DDX42: variants seen among roughly 807,000 people sequenced by gnomAD.
DDX42 encodes ATP-dependent RNA helicase DDX42.
Under a neutral mutation model 101.5 loss-of-function variants are expected in DDX42, and 22 were observed. The observed-to-expected ratio is 0.22, with a 90% CI of 0.15 to 0.31. The LOEUF (loss-of-function observed/expected upper bound fraction) is 0.31, where lower values mean the gene tolerates loss of function less well. Among genes scored for constraint, DDX42 ranks in the 10% least tolerant of loss-of-function variants. The pLI is 1.00. For synonymous variants in DDX42, 402 were observed against 401.2 expected, an observed-to-expected ratio of 1.00 and a Z score of -0.02; for missense variants, 849 against 1,199.9, an observed-to-expected ratio of 0.71 and a Z score of 4.32.
At chr17:63,784,629 C>A (rs1308681566) in intron 1 of DDX42, among the ~76,000 whole-genome samples, 1 of 151,876 alleles carries the variant, frequency 6.6e-6, no homozygotes, top group Admixed American at 6.6e-5. Context: ...AAATAAAAAC[C>A]CAGGCATGGT....
At position 63,792,493 on chromosome 17, in the gene DDX42, A is replaced by G. The variant is rs368092909; in HGVS notation, c.303A>G (p.Gln101=). ...CTGAAAACTCACCAACTCGCCAGCAATTCCATTCCAAGCCAGTAGATTCTG... is the reference window on the plus strand; with the variant it reads ...CTGAAAACTCACCAACTCGCCAGCAGTTCCATTCCAAGCCAGTAGATTCTG... ...IPAENSPTRQ[Q]FHSKPVDSDS... Residue 101 remains glutamine, a synonymous_variant, in exon 3 of 18, where the codon CAA becomes CAG. Transcript: ENST00000389924. 4.3e-5 allele frequency: 70 copies of G among 1,613,866 alleles called. No homozygotes were observed. The Admixed American group carries it at 4.5e-4, about 10-fold the overall frequency.
intron 1 of DDX42, among the ~76,000 whole-genome samples, chr17:63,781,239 A>G (rs558417525): frequency 1.3e-5 from 2 of 152,088 alleles, no homozygotes; most frequent in South Asian, 4.1e-4. Context: ...TTTTTTTGAG[A>G]CAGAGTCTCG....
intron 1 of DDX42, among the ~76,000 whole-genome samples, chr17:63,779,981 C>T (rs780613801): frequency 6.6e-6 from 1 of 152,160 alleles, no homozygotes; most frequent in Non-Finnish European, 1.5e-5. Context: ...GTTCAGTAAC[C>T]ATATACACTA....
intron 6 of DDX42, among the ~76,000 whole-genome samples, chr17:63,802,422 T>C (rs1330550349): frequency 6.6e-6 from 1 of 152,166 alleles, no homozygotes; most frequent in Non-Finnish European, 1.5e-5. Context: ...CTGGACAAAA[T>C]CAATGACATT....
In DDX42 at chr17:63,818,286, CCAAAGTGGACAGCAGCAAGATGGA is replaced by C. The variant is rs2040004635; in HGVS notation, c.2709_2732del (p.Ser907_Ser914del). The stretch of plus-strand genomic sequence containing the variant: ...AGCAAGATGGAGCCCAAGATGGAAC[CCAAAGTGGACAGCAGCAAGATGGA>C]CAAGGTGGACAGCAAGACAGATAAG... On this transcript the variant is annotated inframe_deletion, in exon 18 of 18. Transcript: ENST00000389924. The C allele has an allele frequency of 1.9e-6, 3 of 1,614,046 alleles. No individual in the cohort carries two copies. Among genetic ancestry groups the C allele is most frequent in the East Asian group, 4.5e-5 (2 of 44,884 alleles).
chr17:63,792,281 G>T, intron 2 of DDX42, 131 bp from the exon 3 acceptor site: 2 of 928,108 alleles, frequency 2.2e-6, no homozygotes, highest in Non-Finnish European at 1.6e-6. Flanking sequence ...CCAAAGCCTT[G>T]GAGGTCTCTA....
intron 2 of DDX42, among the ~76,000 whole-genome samples, chr17:63,791,564 G>A (rs1484516170): frequency 1.3e-5 from 2 of 152,124 alleles, no homozygotes; most frequent in Non-Finnish European, 2.9e-5. Flanking sequence ...ACCTGTCTCG[G>A]CCTCCCAAAG....
At position 63,818,060 on chromosome 17, in the gene DDX42, C is replaced by A; in HGVS notation, c.2479C>A (p.Arg827=). ...SRHSHGETGN[R]HSDSPRHGDG... ...TCACAGTCACGGAGAGACTGGCAAT[C>A]GGCATAGCGATAGTCCACGTCACGG... is the stretch of plus-strand genomic sequence containing the variant. Residue 827 remains arginine, a synonymous_variant, in exon 18 of 18, where the codon CGG becomes AGG. Coordinates refer to ENST00000389924, the MANE Select transcript of DDX42 (RefSeq NM_203499.3). 6.2e-7 allele frequency: 1 copy of A among 1,613,922 alleles called. No individual in the cohort carries two copies. Among genetic ancestry groups the A allele is most frequent in the African/African-American group, 1.3e-5 (1 of 74,996 alleles).
chr17:63,809,057 TATACTG>T (rs2039878127), intron 10 of DDX42, 109 bp downstream of exon 10: 3 of 1,448,528 alleles, frequency 2.1e-6, no homozygotes, highest in Non-Finnish European at 2.8e-6. Flanking sequence ...GGGTTGAAAA[TATACTG>T]ATGAACGGCA....
rs775376583 is a variant in DDX42 at position 63,817,757 on chromosome 17, G to C, written c.2176G>C (p.Ala726Pro). The change falls in exon 18 of 18, where the codon GCT (alanine) becomes CCT (proline). Residue 726 changes from alanine (A) to proline (P), a missense_variant. Physicochemically the swap from Ala to Pro is conservative, Grantham distance 27. Around this residue, in one of 5 missense-constraint regions of DDX42, gnomAD observed 300 missense variants for 304.9 expected, o/e 0.98. Coordinates refer to ENST00000389924, the MANE Select transcript of DDX42 (RefSeq NM_203499.3). Reference sequence around the variant, plus strand: ...TAATCAGAAGGCTGGAAGTTCTGCTGCTGGGGCAAGTGGGTGGACTAGTGC... The same window carrying C: ...TAATCAGAAGGCTGGAAGTTCTGCTCCTGGGGCAAGTGGGTGGACTAGTGC... ...LSNQKAGSSA[A>P]GASGWTSAGS... 12 of 1,614,112 alleles carry C rather than the reference G, an allele frequency of 7.4e-6. No individual in the cohort carries two copies. In the African/African-American group the frequency reaches 9.3e-5, roughly 13 times the overall value.
chr17:63,797,392 A>C (rs2039707043), intron 3 of DDX42, among the ~76,000 whole-genome samples: 1 of 151,856 alleles, frequency 6.6e-6, no homozygotes, highest in Non-Finnish European at 1.5e-5. Flanking sequence ...GAAAAATGTA[A>C]AAACTACACA....
intron 1 of DDX42, among the ~76,000 whole-genome samples, chr17:63,784,394 A>G (rs1422596322): frequency 1.3e-5 from 2 of 152,244 alleles, no homozygotes; most frequent in Non-Finnish European, 1.5e-5. Flanking sequence ...TGGTTTTTAC[A>G]TAAATTAAAT....
At chr17:63,778,494 C>T (rs2039447642) in intron 1 of DDX42, among the ~76,000 whole-genome samples, 1 of 152,148 alleles carries the variant, frequency 6.6e-6, no homozygotes, top group Admixed American at 6.5e-5. Context: ...TTTCTTTCTC[C>T]TGGGCCAGAC....
Position 63,812,129 on chromosome 17 carries a change from G to C in DDX42, c.1596G>C (p.Met532Ile). 4 of 1,614,238 alleles carry C rather than the reference G, an allele frequency of 2.5e-6. No homozygotes were observed. The highest frequency in any genetic ancestry group is 2.5e-6 in the Non-Finnish European group (3 of 1,180,052). ...ATCTTGGGCTGCTCCATGGGGATAT[G>C]GATCAGAGTGAGAGAAACAAGGTCA... ...GHNLGLLHGD[M>I]DQSERNKVIS... Residue 532 changes from methionine (M) to isoleucine (I), a missense_variant, in exon 14 of 18, where the codon ATG becomes ATC. Met to Ile is a conservative substitution (Grantham distance 10, BLOSUM62 1). Coordinates refer to ENST00000389924, the MANE Select transcript of DDX42 (RefSeq NM_203499.3).
chr17:63,779,113 T>C (rs940691938), intron 1 of DDX42, among the ~76,000 whole-genome samples: 3 of 152,238 alleles, frequency 2.0e-5, no homozygotes, highest in African/African-American at 7.2e-5. Context: ...TATGGCTCTA[T>C]TCAGCTAATT....
Position 63,819,086 on chromosome 17 carries a change from T to C in DDX42, c.*688T>C, listed in dbSNP as rs2040016345. The C allele has an allele frequency of 6.6e-6, 1 of 152,478 alleles. No individual in the cohort carries two copies. Among genetic ancestry groups the C allele is most frequent in the South Asian group, 2.1e-4 (1 of 4,834 alleles). 9.4% of individuals were successfully genotyped at this position (152,478 alleles called of 1,614,324 possible). On this transcript the variant is annotated 3_prime_UTR_variant, in exon 18 of 18. Transcript: ENST00000389924. ...GAGATGGTATTGCTAAATTTAAAAT[T>C]AAACAAGAAACCCAACAACAGCTTT...
At chr17:63,784,616 T>C (rs1170582384) in intron 1 of DDX42, among the ~76,000 whole-genome samples, 2 of 151,840 alleles carry the variant, frequency 1.3e-5, no homozygotes, top group Non-Finnish European at 2.9e-5. Flanking sequence ...CCACAAAAAA[T>C]TAAAATAAAA....
rs2039990405 is a variant in DDX42 at position 63,817,482 on chromosome 17, G to A, written c.2113-212G>A. 8 of 539,078 alleles carry A rather than the reference G, an allele frequency of 1.5e-5. No individual in the cohort carries two copies. In the South Asian group the frequency reaches 2.1e-4, roughly 14 times the overall value. 33.4% of individuals were successfully genotyped at this position (539,078 alleles called of 1,614,324 possible). A position where few individuals can be genotyped will look rare whatever the true frequency, so the allele number is the denominator to read the frequency against. ...AATCAGGCTATAAAAGTACATTTCA[G>A]AACACTGGGGGTCCATCTCTCCACA... On this transcript the variant is annotated intron_variant, in intron 17 of 17. Coordinates refer to ENST00000389924, the MANE Select transcript of DDX42 (RefSeq NM_203499.3).
At chr17:63,784,791 T>A (rs1218308303) in intron 1 of DDX42, among the ~76,000 whole-genome samples, 4 of 151,872 alleles carry the variant, frequency 2.6e-5, no homozygotes, top group Non-Finnish European at 4.4e-5. Context: ...TTTTTTTTTT[T>A]AACTCAGAAT....
Sources: gnomAD v4.1 joint callset for allele counts (sites outside exome capture counted in the v4.1 genomes callset) on GRCh38, gnomAD v4.1.1 for gene constraint, gnomAD v4.1.1 regional missense constraint, MANE v1.5 for transcripts, NCBI Gene and HGNC (gene_info 2026-07-23, HGNC 2026-07-21) for gene names.